MAGI2: variants seen among roughly 807,000 people sequenced by gnomAD.
MAGI2 encodes the protein membrane-associated guanylate kinase, WW and PDZ domain-containing protein 2.
A neutral mutation model predicts 133.3 loss-of-function variants in MAGI2; 35 were observed. The ratio of observed to expected loss-of-function variants is 0.26; its 90% CI spans 0.20 to 0.35. The LOEUF (loss-of-function observed/expected upper bound fraction) is 0.35. Ranked by LOEUF, MAGI2 falls within the 10% of genes least tolerant of loss-of-function variation. The pLI is 1.00. For synonymous variants in MAGI2, 729 were observed against 710.6 expected (o/e 1.03, Z -0.41); for missense variants, 1,636 against 1,863.4 (o/e 0.88, Z 2.25).
intron 1 of MAGI2, among the ~76,000 whole-genome samples, chr7:79,298,432 G>A (rs1837117471): frequency 6.6e-6 from 1 of 152,008 alleles, no homozygotes; most frequent in Admixed American, 6.6e-5. Context: ...GAACAAGCTA[G>A]TGAAAAACAA....
At position 78,624,123 on chromosome 7, in the gene MAGI2, C is replaced by T. The variant is rs190158796; in HGVS notation, c.538+2997G>A. Among the ~76,000 whole-genome samples, 386 of 151,942 alleles carry T rather than the reference C, an allele frequency of 2.5e-3. 1 individual carries two copies. Among genetic ancestry groups the T allele is most frequent in the African/African-American group, 8.7e-3 (361 of 41,452 alleles). Reference sequence around the variant, plus strand: ...TCATGTTTGTTGGCCACTTGTATGTCTTTTGAAGTGTCTGTTCATGTCATT... The same window carrying T: ...TCATGTTTGTTGGCCACTTGTATGTTTTTTGAAGTGTCTGTTCATGTCATT... On this transcript the variant is annotated intron_variant, in intron 3 of 21. Coordinates refer to ENST00000354212, the MANE Select transcript of MAGI2 (RefSeq NM_012301.4).
At chr7:78,225,059 C>T (rs892565561) in intron 10 of MAGI2, among the ~76,000 whole-genome samples, 2 of 152,150 alleles carry the variant, frequency 1.3e-5, no homozygotes, top group Admixed American at 6.5e-5. Flanking sequence ...AAACTACCTG[C>T]CGGCCTGGCT....
chr7:78,992,865 A>C (rs1332372217), intron 2 of MAGI2, among the ~76,000 whole-genome samples: 1 of 152,062 alleles, frequency 6.6e-6, no homozygotes, highest in Non-Finnish European at 1.5e-5. Context: ...TACTTTTTTC[A>C]AACTATAATT....
chr7:79,211,953 C>T (rs948434210), intron 1 of MAGI2, among the ~76,000 whole-genome samples: 2 of 151,936 alleles, frequency 1.3e-5, no homozygotes, highest in African/African-American at 4.8e-5. Flanking sequence ...AATACCTGTG[C>T]ATTGCAAAAT....
At chr7:78,665,188 G>T (rs535888624) in intron 2 of MAGI2, among the ~76,000 whole-genome samples, 2 of 151,962 alleles carry the variant, frequency 1.3e-5, no homozygotes, top group Admixed American at 6.6e-5. Flanking sequence ...TACTACCTAC[G>T]ATTATAAGTA....
chr7:79,419,292 G>T (rs368036134), intron 1 of MAGI2, among the ~76,000 whole-genome samples: 3 of 151,688 alleles, frequency 2.0e-5, no homozygotes, highest in African/African-American at 7.3e-5. Flanking sequence ...ACCAACAACC[G>T]ATATGAAAGC....
chr7:79,453,138 C>T lies in MAGI2; in HGVS notation c.183G>A (p.Val61=). 6.2e-7 allele frequency: 1 copy of T among 1,614,044 alleles called. No homozygotes were observed. Among genetic ancestry groups the T allele is most frequent in the Non-Finnish European group, 8.5e-7 (1 of 1,180,048 alleles). ...TCACCTCCAGCAGCAGCTCCTCCGA[C>T]ACCAATTTGCTGCCGCTCTCATAGG... ...KVAYESGSKL[V]SEELLLEVNE... Residue 61 remains valine (V), a synonymous_variant, in exon 1 of 22, where the codon GTG becomes GTA. Coordinates refer to ENST00000354212, the MANE Select transcript of MAGI2 (RefSeq NM_012301.4).
rs561911097 is a variant in MAGI2 at position 78,234,323 on chromosome 7, A to G, written c.2047+21620T>C. On this transcript the variant is annotated intron_variant, in intron 10 of 21. Transcript: ENST00000354212. The stretch of plus-strand genomic sequence containing the variant: ...TGCTTCTGAACTGAAATGCATTGTA[A>G]TGCTCATTACAACCCACTCTCCTGG... Among the ~76,000 whole-genome samples, 134 of 152,262 alleles carry G rather than the reference A, an allele frequency of 8.8e-4. 2 individuals carry two copies. Among genetic ancestry groups the G allele is most frequent in the Middle Eastern group, 3.4e-3 (1 of 294 alleles).
chr7:78,972,008 C>A (rs1014003113), intron 2 of MAGI2, among the ~76,000 whole-genome samples: 1 of 151,768 alleles, frequency 6.6e-6, no homozygotes, highest in African/African-American at 2.4e-5. Flanking sequence ...TCATACATCA[C>A]AAAAAATAAG....
At chr7:78,681,366 A>G (rs1370093230) in intron 2 of MAGI2, among the ~76,000 whole-genome samples, 1 of 152,212 alleles carries the variant, frequency 6.6e-6, no homozygotes. Context: ...GTTATAAGCC[A>G]TAAAGAAATA....
At chr7:78,245,089 G>A (rs192776074) in intron 10 of MAGI2, among the ~76,000 whole-genome samples, 7 of 152,276 alleles carry the variant, frequency 4.6e-5, no homozygotes, top group African/African-American at 9.6e-5. Context: ...GAGGCAAAGC[G>A]ATTGTTATTT....
At chr7:78,715,956 C>T (rs1392496965) in intron 2 of MAGI2, among the ~76,000 whole-genome samples, 1 of 143,802 alleles carries the variant, frequency 7.0e-6, no homozygotes, top group African/African-American at 2.6e-5. Flanking sequence ...TAATTTCATT[C>T]CAGTTAGAAA....
chr7:79,313,248 C>T (rs1838436676), intron 1 of MAGI2, among the ~76,000 whole-genome samples: 1 of 152,084 alleles, frequency 6.6e-6, no homozygotes. Context: ...ACCAGGCAAA[C>T]TTTATTTTCT....
intron 1 of MAGI2, among the ~76,000 whole-genome samples, chr7:79,171,330 T>C (rs1052730977): frequency 3.9e-5 from 6 of 151,978 alleles, no homozygotes; most frequent in Non-Finnish European, 8.8e-5. Flanking sequence ...GTCCAAATCT[T>C]CCCTTTTTAT....
chr7:78,444,316 G>A (rs17430936), intron 6 of MAGI2, among the ~76,000 whole-genome samples: 14,277 of 151,986 alleles, frequency 0.094, 695 homozygotes, highest in African/African-American at 0.13. Flanking sequence ...AGAGAGCCAC[G>A]CAGAACAGTG....
chr7:78,676,500 C>A (rs1363997149), intron 2 of MAGI2, among the ~76,000 whole-genome samples: 1 of 152,076 alleles, frequency 6.6e-6, no homozygotes, highest in African/African-American at 2.4e-5. Context: ...AAAATTAATT[C>A]TCCTCTAAAA....
chr7:78,256,313 T>C lies in MAGI2; in HGVS notation c.1677A>G (p.Pro559=), dbSNP rs781780171. 1 of 1,614,002 alleles carries C rather than the reference T, an allele frequency of 6.2e-7. No homozygotes were observed. The highest frequency in any genetic ancestry group is 1.3e-5 in the African/African-American group (1 of 74,928). ...EYISRTSQSV[P]DITDRPPHSL... is the part of the protein sequence containing the mutation. ...AATGAGGCGGCCGATCTGTTATATC[T>C]GGAACTGACTGTGAGGTCCGAGAAA... Residue 559 remains proline, a synonymous_variant, in exon 10 of 22, where the codon CCA becomes CCG. Coordinates refer to ENST00000354212, the MANE Select transcript of MAGI2 (RefSeq NM_012301.4).
chr7:79,338,507 T>G (rs1840654694), intron 1 of MAGI2, among the ~76,000 whole-genome samples: 1 of 152,174 alleles, frequency 6.6e-6, no homozygotes, highest in African/African-American at 2.4e-5. Context: ...CTGAAAATTC[T>G]GATCGAAATC....
intron 6 of MAGI2, among the ~76,000 whole-genome samples, chr7:78,449,766 A>G (rs186522961): frequency 1.2e-3 from 189 of 152,230 alleles, no homozygotes; most frequent in Non-Finnish European, 2.1e-3. Flanking sequence ...ACAATTGGTA[A>G]GAGTTTGGTA....
Sources: gnomAD v4.1 joint callset for allele counts (sites outside exome capture counted in the v4.1 genomes callset) on GRCh38, gnomAD v4.1.1 for gene constraint, MANE v1.5 for transcripts, NCBI Gene and HGNC (gene_info 2026-07-23, HGNC 2026-07-21) for gene names.